MBNL2: variants seen among roughly 807,000 people sequenced by gnomAD.
MBNL2 encodes muscleblind like splicing regulator 2.
A neutral mutation model predicts 41.9 loss-of-function variants in MBNL2; 17 were observed. That is an observed-to-expected ratio of 0.41 (90% confidence interval 0.28 to 0.61). The LOEUF is 0.61. Among genes scored for constraint, MBNL2 ranks in the 20% least tolerant of loss-of-function variants. MBNL2 has a pLI of 0.35. For synonymous variants in MBNL2, 195 were observed against 182.9 expected, an observed-to-expected ratio of 1.07 and a Z score of -0.53; for missense variants, 336 against 505.6, an observed-to-expected ratio of 0.66 and a Z score of 3.22.
chr13:97,307,764 T>C (rs905640288), intron 2 of MBNL2, among the ~76,000 whole-genome samples: 11 of 152,208 alleles, frequency 7.2e-5, no homozygotes, highest in Non-Finnish European at 1.6e-4. Context: ...TTCTTCTTCA[T>C]TGAATCATAA....
intron 8 of MBNL2, among the ~76,000 whole-genome samples, chr13:97,379,945 A>G (rs183181100): frequency 5.3e-5 from 8 of 152,326 alleles, no homozygotes; most frequent in Admixed American, 3.3e-4. Flanking sequence ...AAAAGATCTG[A>G]GTGGTCATTT....
At chr13:97,156,064 T>A in the MBNL2 span, among the ~76,000 whole-genome samples, 59 of 108,446 alleles carry the variant, frequency 5.4e-4, no homozygotes, top group African/African-American at 2.1e-3. Context: ...ACCTGTTGTT[T>A]CCTGACTTTT....
chr13:97,302,923 T>A (rs576984454), intron 2 of MBNL2, among the ~76,000 whole-genome samples: 1 of 152,294 alleles, frequency 6.6e-6, no homozygotes, highest in East Asian at 1.9e-4. Context: ...CCTACAATCA[T>A]GTCATGAAAA....
chr13:97,293,640 C>A (rs2056550746), intron 2 of MBNL2, among the ~76,000 whole-genome samples: 1 of 152,168 alleles, frequency 6.6e-6, no homozygotes, highest in Admixed American at 6.5e-5. Flanking sequence ...TAATACTCCT[C>A]ACATGTTTCC....
intron 1 of MBNL2, among the ~76,000 whole-genome samples, chr13:97,266,627 A>G (rs1292505946): frequency 6.6e-6 from 1 of 152,270 alleles, no homozygotes; most frequent in African/African-American, 2.4e-5. Context: ...CAACAGAGAG[A>G]GCACATTGAG....
At chr13:97,330,736 T>C (rs1295688387) in intron 2 of MBNL2, among the ~76,000 whole-genome samples, 1 of 152,230 alleles carries the variant, frequency 6.6e-6, no homozygotes, top group Non-Finnish European at 1.5e-5. Context: ...GCAAATCTTA[T>C]GCCTTAACAA....
In MBNL2 at chr13:97,348,074, A is replaced by ATTTTTTTT. The variant is rs71692187; in HGVS notation, c.804+1022_804+1029dup. Among the ~76,000 whole-genome samples the ATTTTTTTT allele has an allele frequency of 2.2e-3, 267 of 120,312 alleles. 1 individual carries two copies. The highest frequency in any genetic ancestry group is 8.0e-3 in the African/African-American group (259 of 32,458). The allele number at this position is 120,312 out of a possible 152,430, so 78.9% of individuals were successfully genotyped here. On this transcript the variant is annotated intron_variant, in intron 5 of 8. Coordinates refer to ENST00000679496, the MANE Select transcript of MBNL2 (RefSeq NM_001382683.1). Reference sequence around the variant, plus strand: ...GGTCTGGTGTGGTCTGGGCAGTGGGATTTTTTTTTTTTTTTTTTTTTTAAG... The same window carrying ATTTTTTTT: ...GGTCTGGTGTGGTCTGGGCAGTGGGATTTTTTTTTTTTTTTTTTTTTTTTTTTTTTAAG...
intron 2 of MBNL2, among the ~76,000 whole-genome samples, chr13:97,302,642 G>T (rs1433133314): frequency 2.4e-4 from 37 of 152,210 alleles, no homozygotes; most frequent in Admixed American, 2.4e-3. Context: ...TGGCAGAGTT[G>T]AGTTTGATCC....
rs11544959 is a variant in MBNL2, at chr13:97,275,948, G to A, written c.-288G>A. ...TGAAGTCACTTTATTAATAACAGCT[G>A]TATCTGCAAAACAGTCAAGAGACTC... On this transcript the variant is annotated 5_prime_UTR_variant, in exon 2 of 9. Transcript: ENST00000679496. 113 of 287,726 alleles carry A rather than the reference G, an allele frequency of 3.9e-4. 4 individuals are homozygous for A. The East Asian group carries it at 6.5e-3, about 17-fold the overall frequency. 17.8% of individuals were successfully genotyped at this position (287,726 alleles called of 1,614,324 possible).
chr13:97,178,339 A>G, the MBNL2 span, among the ~76,000 whole-genome samples: 9 of 152,356 alleles, frequency 5.9e-5, no homozygotes, highest in East Asian at 1.7e-3. Context: ...GGAATAATTA[A>G]TGATCAGCAC....
intron 2 of MBNL2, among the ~76,000 whole-genome samples, chr13:97,315,031 TATTA>T (rs1214960128): frequency 1.4e-4 from 22 of 152,330 alleles, no homozygotes; most frequent in East Asian, 5.8e-4. Flanking sequence ...AAATAATTTG[TATTA>T]ATTTGTAGAA....
upstream of MBNL2, among the ~76,000 whole-genome samples, chr13:97,220,810 G>C (rs1280749338): frequency 6.6e-6 from 1 of 152,186 alleles, no homozygotes; most frequent in Non-Finnish European, 1.5e-5. Flanking sequence ...TCAGGAATGG[G>C]ATTCATGGAA....
rs1189278548 is a variant in MBNL2 at position 97,333,308 on chromosome 13, G to A, written c.175-968G>A. Among the ~76,000 whole-genome samples, 4 of 152,148 alleles carry A rather than the reference G, an allele frequency of 2.6e-5. No individual in the cohort carries two copies. In the South Asian group the frequency reaches 6.3e-4, roughly 24 times the overall value. ...TCAATTGGTAGTTTTGAAAACTTGG[G>A]GATGAAGTATAAACACCGCCATATG... On this transcript the variant is annotated intron_variant, in intron 2 of 8. Coordinates refer to ENST00000679496, the MANE Select transcript of MBNL2 (RefSeq NM_001382683.1).
chr13:97,301,675 C>T (rs949065633), intron 2 of MBNL2, among the ~76,000 whole-genome samples: 3 of 152,144 alleles, frequency 2.0e-5, no homozygotes, highest in Non-Finnish European at 4.4e-5. Flanking sequence ...TTGAGTTCTC[C>T]GCCAGCCCCG....
intron 5 of MBNL2, among the ~76,000 whole-genome samples, chr13:97,347,775 G>C (rs970495848): frequency 1.3e-5 from 2 of 152,228 alleles, no homozygotes; most frequent in Middle Eastern, 3.4e-3. Context: ...TCAGAATCTC[G>C]GAGAGCCTAA....
At chr13:97,290,222 C>T (rs1381933806) in intron 2 of MBNL2, among the ~76,000 whole-genome samples, 2 of 152,186 alleles carry the variant, frequency 1.3e-5, no homozygotes. Context: ...AAAATAATCA[C>T]AATTTCTGAA....
At chr13:97,390,440 T>C (rs559740265) in intron 8 of MBNL2, among the ~76,000 whole-genome samples, 1 of 152,370 alleles carries the variant, frequency 6.6e-6, no homozygotes. Context: ...TAACAGACTC[T>C]TGTTTAATGA....
intron 2 of MBNL2, among the ~76,000 whole-genome samples, chr13:97,310,926 A>T (rs915483093): frequency 1.3e-5 from 2 of 152,174 alleles, no homozygotes; most frequent in Non-Finnish European, 2.9e-5. Context: ...GGTAAAAAGA[A>T]AAACATGTGC....
chr13:97,265,136 T>C (rs957574357), intron 1 of MBNL2, among the ~76,000 whole-genome samples: 2 of 152,228 alleles, frequency 1.3e-5, no homozygotes, highest in African/African-American at 4.8e-5. Context: ...CTCTTTGAAT[T>C]GAGGATGTGA....
Sources: allele counts gnomAD v4.1 joint callset (sites outside exome capture counted in the v4.1 genomes callset), GRCh38; gene constraint gnomAD v4.1.1; transcripts MANE v1.5; gene names NCBI Gene and HGNC (gene_info 2026-07-23, HGNC 2026-07-21).